KCND2: variants seen among roughly 807,000 people sequenced by gnomAD.
KCND2 encodes potassium voltage-gated channel subfamily D member 2.
A neutral mutation model predicts 54.4 loss-of-function variants in KCND2; 16 were observed. That is an observed-to-expected ratio of 0.29 (90% CI 0.20 to 0.45). The LOEUF is 0.45. Among genes scored for constraint, KCND2 ranks in the 20% least tolerant of loss-of-function variants. The pLI is 1.00. For synonymous variants in KCND2, 317 were observed against 310.7 expected (o/e 1.02, Z -0.21); for missense variants, 486 against 824.2 (o/e 0.59, Z 5.02).
At chr7:120,650,143 C>T (rs1453552212) in intron 1 of KCND2, among the ~76,000 whole-genome samples, 2 of 149,090 alleles carry the variant, frequency 1.3e-5, no homozygotes, top group Non-Finnish European at 3.0e-5. Flanking sequence ...TCTGTATTTC[C>T]TGAATTTGAA....
intron 1 of KCND2, among the ~76,000 whole-genome samples, chr7:120,393,360 C>T (rs11772156): frequency 0.1 from 15,551 of 152,002 alleles, 839 homozygotes; most frequent in Admixed American, 0.13. Context: ...TCTAATAATC[C>T]ATGGAAAATC....
chr7:120,726,652 C>G (rs777182064), intron 1 of KCND2, among the ~76,000 whole-genome samples: 1 of 152,298 alleles, frequency 6.6e-6, no homozygotes, highest in South Asian at 2.1e-4. Context: ...TTACTTTCAT[C>G]TAACTTTTTA....
chr7:120,648,789 C>T (rs1234386093), intron 1 of KCND2, among the ~76,000 whole-genome samples: 2 of 152,214 alleles, frequency 1.3e-5, no homozygotes, highest in South Asian at 2.1e-4. Context: ...ACATAACTCA[C>T]CTTTGTACTT....
intron 1 of KCND2, among the ~76,000 whole-genome samples, chr7:120,599,201 AC>A (rs1210369510): frequency 6.6e-6 from 1 of 152,104 alleles, no homozygotes; most frequent in Non-Finnish European, 1.5e-5. Flanking sequence ...TTTTGCCAGC[AC>A]TACTGTGTCT....
intron 1 of KCND2, among the ~76,000 whole-genome samples, chr7:120,466,542 G>A (rs910484439): frequency 4.0e-5 from 6 of 151,796 alleles, no homozygotes; most frequent in South Asian, 2.1e-4. Context: ...TTGCCTTCTC[G>A]AGATCATTCC....
intron 1 of KCND2, among the ~76,000 whole-genome samples, chr7:120,289,801 G>C (rs1309166909): frequency 6.6e-6 from 1 of 152,030 alleles, no homozygotes; most frequent in African/African-American, 2.4e-5. Flanking sequence ...AAACAAAATG[G>C]CTTCCAACTT....
chr7:120,291,794 T>C (rs904120301), intron 1 of KCND2, among the ~76,000 whole-genome samples: 4 of 151,928 alleles, frequency 2.6e-5, no homozygotes, highest in African/African-American at 9.7e-5. Flanking sequence ...TGTTTAAGGC[T>C]CTGAAATGAC....
At chr7:120,272,923 C>CGG (rs1799098445), upstream of KCND2, among the ~76,000 whole-genome samples, 1 of 152,112 alleles carries the variant, frequency 6.6e-6, no homozygotes, top group South Asian at 2.1e-4. Flanking sequence ...CGCCTTGAAC[C>CGG]GGGACTCGAG....
intron 1 of KCND2, among the ~76,000 whole-genome samples, chr7:120,713,304 A>C (rs1193220707): frequency 6.6e-6 from 1 of 152,144 alleles, no homozygotes; most frequent in Non-Finnish European, 1.5e-5. Context: ...TGGTGTAATA[A>C]TCTCCATCAC....
chr7:120,361,573 G>A (rs1400132109), intron 1 of KCND2, among the ~76,000 whole-genome samples: 1 of 152,024 alleles, frequency 6.6e-6, no homozygotes, highest in Non-Finnish European at 1.5e-5. Flanking sequence ...ATTCAGGGCA[G>A]GTGAGAAGAA....
At chr7:120,470,532 C>T (rs1419000802) in intron 1 of KCND2, among the ~76,000 whole-genome samples, 1 of 152,068 alleles carries the variant, frequency 6.6e-6, no homozygotes, top group Non-Finnish European at 1.5e-5. Context: ...AAAGGATGTT[C>T]TCCTCCTCCC....
At chr7:120,343,267 A>G (rs953272896) in intron 1 of KCND2, among the ~76,000 whole-genome samples, 2 of 152,124 alleles carry the variant, frequency 1.3e-5, no homozygotes, top group Non-Finnish European at 2.9e-5. Context: ...CTGCTTATGG[A>G]TGAACTAGCT....
intron 1 of KCND2, among the ~76,000 whole-genome samples, chr7:120,295,507 G>C (rs909406741): frequency 7.9e-5 from 12 of 151,730 alleles, no homozygotes; most frequent in Admixed American, 6.6e-4. Flanking sequence ...ACCAAATCTC[G>C]TGAGGAGTTT....
chr7:120,293,913 A>C (rs1799473034), intron 1 of KCND2, among the ~76,000 whole-genome samples: 1 of 151,976 alleles, frequency 6.6e-6, no homozygotes, highest in Admixed American at 6.6e-5. Flanking sequence ...CTAGATGTAG[A>C]AATGCTGTTT....
intron 1 of KCND2, among the ~76,000 whole-genome samples, chr7:120,698,579 T>C (rs1792361143): frequency 6.6e-6 from 1 of 152,264 alleles, no homozygotes; most frequent in Non-Finnish European, 1.5e-5. Context: ...TAAGCTAGTC[T>C]ACATACTATT....
intron 1 of KCND2, 122 bp downstream of exon 1, chr7:120,275,869 AT>A: frequency 8.9e-7 from 1 of 1,120,222 alleles, no homozygotes; most frequent in Non-Finnish European, 1.3e-6. Flanking sequence ...TTAGGAAAGC[AT>A]TATCTAAATG....
intron 1 of KCND2, among the ~76,000 whole-genome samples, chr7:120,410,326 C>G (rs1801430608): frequency 6.6e-6 from 1 of 151,804 alleles, no homozygotes; most frequent in South Asian, 2.1e-4. Flanking sequence ...AATGTAATTT[C>G]TCTAATTATG....
intron 1 of KCND2, among the ~76,000 whole-genome samples, chr7:120,462,335 A>C (rs1802295845): frequency 6.6e-6 from 1 of 151,988 alleles, no homozygotes; most frequent in South Asian, 2.1e-4. Flanking sequence ...ATAAAAATTG[A>C]GTATCATCCT....
intron 1 of KCND2, among the ~76,000 whole-genome samples, chr7:120,433,761 G>A (rs1168303284): frequency 2.0e-5 from 3 of 152,166 alleles, no homozygotes; most frequent in Non-Finnish European, 4.4e-5. Context: ...TGAACAACTT[G>A]CAGTAGTACT....
Sources: gnomAD v4.1 joint callset for allele counts (sites outside exome capture counted in the v4.1 genomes callset) on GRCh38, gnomAD v4.1.1 for gene constraint, MANE v1.5 for transcripts, NCBI Gene and HGNC (gene_info 2026-07-23, HGNC 2026-07-21) for gene names.